The following COL4A3 variants were observed in gnomAD, a reference collection of about 807,000 sequenced individuals.
The protein encoded by COL4A3 is collagen type IV alpha 3 chain, also known as collagen alpha-3(IV) chain.
Under a neutral mutation model 217.4 loss-of-function variants are expected in COL4A3, and 135 were observed. That is an observed-to-expected ratio of 0.62 (90% CI 0.54 to 0.72). The LOEUF is 0.72. COL4A3 is among the 30% of genes least tolerant of loss of function. The pLI is 0.00. For missense variants in COL4A3, 1,868 were observed against 2,119.9 expected, an observed-to-expected ratio of 0.88 and a Z score of 2.33; for synonymous variants, 690 against 736.3, an observed-to-expected ratio of 0.94 and a Z score of 1.02.
chr2:227,250,239 G>T lies in COL4A3; in HGVS notation c.547-901G>T, dbSNP rs1319188300. On this transcript the variant is annotated intron_variant, in intron 9 of 51. Transcript: ENST00000396578. The surrounding 1 kb of genome is among the most constrained non-coding windows in gnomAD (Gnocchi z 4.1). Reference sequence around the variant, plus strand: ...GAGGCAGGAGAATCACTTGAACCCGGGAGGCAGAGGCTGCAGTGAGCAGAG... The same window carrying T: ...GAGGCAGGAGAATCACTTGAACCCGTGAGGCAGAGGCTGCAGTGAGCAGAG... 1.3e-5 allele frequency among the ~76,000 whole-genome samples: 2 copies of T among 152,072 alleles called. No homozygotes were observed. Among genetic ancestry groups the T allele is most frequent in the Admixed American group, 1.3e-4 (2 of 15,264 alleles).
rs955819590 is a variant in COL4A3, at chr2:227,250,944, C to T, written c.547-196C>T. 2.6e-5 allele frequency among the ~76,000 whole-genome samples: 4 copies of T among 152,188 alleles called. No individual in the cohort carries two copies. The highest frequency in any genetic ancestry group is 5.9e-5 in the Non-Finnish European group (4 of 68,016). On this transcript the variant is annotated intron_variant, in intron 9 of 51. Coordinates refer to ENST00000396578, the MANE Select transcript of COL4A3 (RefSeq NM_000091.5). This position sits in a 1 kb window ranked among gnomAD's most constrained non-coding sequence, Gnocchi z 4.1. ...ACTTTGGTCATTTTAGAAATGTTATCGTCCAGTTGGTCCTGCCAGCCTGTT... is the reference window on the plus strand; with the variant it reads ...ACTTTGGTCATTTTAGAAATGTTATTGTCCAGTTGGTCCTGCCAGCCTGTT...
chr2:227,241,643 C>A (rs942009700), intron 3 of COL4A3, among the ~76,000 whole-genome samples: 7 of 151,858 alleles, frequency 4.6e-5, no homozygotes, highest in African/African-American at 1.7e-4. Context: ...TACTGCACTC[C>A]AGCCTGGGTA....
chr2:227,286,272 ACC>A (rs1332857729), intron 34 of COL4A3, among the ~76,000 whole-genome samples: 1 of 148,198 alleles, frequency 6.7e-6, no homozygotes, highest in African/African-American at 2.5e-5. Context: ...CGGGTGGATC[ACC>A]TGAGGTCAGG....
chr2:227,262,569 G>A (rs1240150364), intron 20 of COL4A3, among the ~76,000 whole-genome samples: 1 of 152,124 alleles, frequency 6.6e-6, no homozygotes, highest in African/African-American at 2.4e-5. Flanking sequence ...TCTTTCACCA[G>A]TGTTTTATAG....
At chr2:227,236,282 A>G (rs1230458919) in intron 1 of COL4A3, among the ~76,000 whole-genome samples, 3 of 152,214 alleles carry the variant, frequency 2.0e-5, no homozygotes, top group Non-Finnish European at 4.4e-5. Context: ...TTCCATTCCT[A>G]TAAACTGCAG....
At chr2:227,174,752 T>C (rs6705976) in intron 1 of COL4A3, among the ~76,000 whole-genome samples, 7,525 of 152,176 alleles carry the variant, frequency 0.049, 231 homozygotes, top group Admixed American at 0.087. Flanking sequence ...AGTGATCCGC[T>C]CACCTTGGCC....
At chr2:227,212,597 G>A (rs1197055470) in intron 1 of COL4A3, among the ~76,000 whole-genome samples, 2 of 152,190 alleles carry the variant, frequency 1.3e-5, no homozygotes, top group Non-Finnish European at 2.9e-5. Flanking sequence ...GGTTCTCTAT[G>A]CTGTTCCATT....
chr2:227,267,649 GC>G (rs1371317261), intron 23 of COL4A3, among the ~76,000 whole-genome samples: 3 of 152,136 alleles, frequency 2.0e-5, no homozygotes, highest in Admixed American at 6.5e-5. Context: ...CTTGGCTGCA[GC>G]CCATTGTTAC....
Position 227,211,649 on chromosome 2 carries a change from T to TTTTATTTA in COL4A3, c.88-26300_88-26293dup, listed in dbSNP as rs71036166. Among the ~76,000 whole-genome samples the TTTTATTTA allele has an allele frequency of 4.7e-3, 710 of 150,078 alleles. 3 individuals carry two copies. Among genetic ancestry groups the TTTTATTTA allele is most frequent in the African/African-American group, 8.0e-3 (323 of 40,586 alleles). ...TAACATTTGGTGCTGTCAGACTTGA[T>TTTTATTTA]TTTATTTATTTATTTATTTATTTAT... On this transcript the variant is annotated intron_variant, in intron 1 of 51. Transcript: ENST00000396578.
In COL4A3 at chr2:227,302,998, A is replaced by T. The variant is rs539110360; in HGVS notation, c.3883-40A>T. ...AACTGCTGTGAATTGAGTGATTTTA[A>T]AAATTTGTTTTGGTTCTGCTCCCTT... On this transcript the variant is annotated intron_variant, in intron 43 of 51. Transcript: ENST00000396578. 5.2e-5 allele frequency: 73 copies of T among 1,407,870 alleles called. No individual in the cohort carries two copies. The African/African-American group carries it at 9.6e-4, about 18-fold the overall frequency. The allele number at this position is 1,407,870 out of a possible 1,614,324, so 87.2% of individuals were successfully genotyped here.
rs2072014282 is a variant in COL4A3 at position 227,282,227 on chromosome 2, GC to G, written c.2489-134del. ...GCGGAGGGTACAGTGAGCCGAAATCGCCCCACTGCAATCCAGCCTAGAAGAC... is the reference window on the plus strand; with the variant it reads ...GCGGAGGGTACAGTGAGCCGAAATCGCCCACTGCAATCCAGCCTAGAAGAC... On this transcript the variant is annotated intron_variant, in intron 31 of 51. Transcript: ENST00000396578. The surrounding 1 kb of genome is among the most constrained non-coding windows in gnomAD (Gnocchi z 4.4). The G allele has an allele frequency of 3.1e-6, 1 of 324,656 alleles. No individual in the cohort carries two copies. The highest frequency in any genetic ancestry group is 2.3e-5 in the African/African-American group (1 of 43,436). The allele number at this position is 324,656 out of a possible 1,614,324, so 20.1% of individuals were successfully genotyped here. A position where few individuals can be genotyped will look rare whatever the true frequency, so the allele number is the denominator to read the frequency against.
intron 2 of COL4A3, among the ~76,000 whole-genome samples, chr2:227,238,553 T>C (rs1057131210): frequency 6.6e-6 from 1 of 152,186 alleles, no homozygotes; most frequent in African/African-American, 2.4e-5. Context: ...CCGTGAAATC[T>C]CATTAATTCG....
rs538794868 is a variant in COL4A3 at position 227,244,130 on chromosome 2, T to C, written c.235-190T>C. Among the ~76,000 whole-genome samples the C allele has an allele frequency of 2.2e-4, 34 of 152,290 alleles. 1 individual carries two copies. The South Asian group carries it at 6.8e-3, about 31-fold the overall frequency. On this transcript the variant is annotated intron_variant, in intron 3 of 51. Transcript: ENST00000396578. Reference sequence around the variant, plus strand: ...TTTGAGTAGCAAGGGTTTGAATGAATTTTTGTCTTTTCTGATAAACAATTA... The same window carrying C: ...TTTGAGTAGCAAGGGTTTGAATGAACTTTTGTCTTTTCTGATAAACAATTA...
chr2:227,183,395 G>A (rs1486267341), intron 1 of COL4A3, among the ~76,000 whole-genome samples: 1 of 152,196 alleles, frequency 6.6e-6, no homozygotes, highest in Non-Finnish European at 1.5e-5. Flanking sequence ...ATGGTGCTCA[G>A]GGATATGTAA....
At chr2:227,309,368 G>GT in intron 50 of COL4A3, 50 bp downstream of exon 50, 1 of 1,382,168 alleles carries the variant, frequency 7.2e-7, no homozygotes, top group Non-Finnish European at 1.0e-6. Flanking sequence ...CCTGTAGAAT[G>GT]TTACATTGTG....
intron 1 of COL4A3, among the ~76,000 whole-genome samples, chr2:227,166,450 C>T (rs1335799586): frequency 1.3e-5 from 2 of 152,150 alleles, no homozygotes; most frequent in Non-Finnish European, 2.9e-5. Flanking sequence ...TTTAGAAGAA[C>T]AGGAATGAGA....
chr2:227,261,782 T>G (rs2070585321), intron 20 of COL4A3, among the ~76,000 whole-genome samples: 1 of 152,174 alleles, frequency 6.6e-6, no homozygotes, highest in African/African-American at 2.4e-5. Context: ...AAATGACAGT[T>G]TTCATAACAT....
At chr2:227,219,282 T>G (rs1279973880) in intron 1 of COL4A3, among the ~76,000 whole-genome samples, 1 of 152,206 alleles carries the variant, frequency 6.6e-6, no homozygotes, top group Non-Finnish European at 1.5e-5. Flanking sequence ...ATTACAGGCG[T>G]GAGCCACCAT....
chr2:227,302,868 G>A (rs2073353938), intron 43 of COL4A3, among the ~76,000 whole-genome samples, 170 bp from the exon 44 acceptor site: 1 of 152,054 alleles, frequency 6.6e-6, no homozygotes, highest in Admixed American at 6.5e-5. Flanking sequence ...AAGGTTCTAA[G>A]TGGCCAGAGG....
Sources: allele counts gnomAD v4.1 joint callset (sites outside exome capture counted in the v4.1 genomes callset), GRCh38; gene constraint gnomAD v4.1.1; non-coding constraint Gnocchi (gnomAD v3.1); transcripts MANE v1.5; gene names NCBI Gene and HGNC (gene_info 2026-07-23, HGNC 2026-07-21).